Variants in ADGRA1 observed in about 807,000 individuals in gnomAD.
ADGRA1 encodes the protein adhesion G protein-coupled receptor A1, also known as G-protein coupled receptor 123.
ADGRA1 carries 12 observed loss-of-function variants against 21.3 expected under a neutral mutation model. The observed-to-expected ratio is 0.56, with a 90% CI of 0.36 to 0.91. The LOEUF is 0.91. ADGRA1 is among the 40% of genes least tolerant of loss of function. ADGRA1 has a pLI of 0.01. For synonymous variants in ADGRA1, 385 were observed against 368.8 expected, an observed-to-expected ratio of 1.04 and a Z score of -0.50; for missense variants, 790 against 805.6, an observed-to-expected ratio of 0.98 and a Z score of 0.23.
At chr10:133,088,683 C>T (rs1427438481) in intron 1 of ADGRA1, 25 bp from the exon 2 acceptor site, 1 of 1,221,612 alleles carries the variant, frequency 8.2e-7, no homozygotes, top group East Asian at 3.2e-5. Flanking sequence ...TCCGCCCGCC[C>T]CGCTGACCGC....
At chr10:133,101,945 GATAAATC>G (rs572689376) in intron 4 of ADGRA1, among the ~76,000 whole-genome samples, 73 of 152,378 alleles carry the variant, frequency 4.8e-4, no homozygotes, top group African/African-American at 1.7e-3. Context: ...CTCTGGATCT[GATAAATC>G]ATCATAATGG....
intron 2 of ADGRA1, chr10:133,093,361 C>T: frequency 2.2e-6 from 3 of 1,366,632 alleles, no homozygotes; most frequent in Non-Finnish European, 3.0e-6. Context: ...ACTTGATTTG[C>T]AGAACACACC....
At chr10:133,122,972 T>C (rs1185642133) in intron 5 of ADGRA1, among the ~76,000 whole-genome samples, 1 of 152,214 alleles carries the variant, frequency 6.6e-6, no homozygotes, top group Non-Finnish European at 1.5e-5. Context: ...TTAAGGCCCA[T>C]CCTGTAACCG....
Position 133,102,854 on chromosome 10 carries a change from A to C in ADGRA1, c.401+12A>C, listed in dbSNP as rs765509147. ...CAGCCCCTGCTCAGGTACTGAGTGCACATGGGCGCGAGGCCCCGCCACCTG... is the reference window on the plus strand; with the variant it reads ...CAGCCCCTGCTCAGGTACTGAGTGCCCATGGGCGCGAGGCCCCGCCACCTG... On this transcript the variant is annotated intron_variant, in intron 5 of 6. Coordinates refer to ENST00000392607, the MANE Select transcript of ADGRA1 (RefSeq NM_001083909.3). 1.3e-6 allele frequency: 2 copies of C among 1,598,760 alleles called. No homozygotes were observed. Among genetic ancestry groups the C allele is most frequent in the Non-Finnish European group, 1.7e-6 (2 of 1,168,330 alleles).
In ADGRA1 at chr10:133,102,438, G is replaced by T. The variant is rs1264572080; in HGVS notation, c.256-259G>T. 3 of 617,982 alleles carry T rather than the reference G, an allele frequency of 4.9e-6. No individual in the cohort carries two copies. The African/African-American group carries it at 5.4e-5, about 11-fold the overall frequency. The allele number at this position is 617,982 out of a possible 1,614,324, so 38.3% of individuals were successfully genotyped here. A position where few individuals can be genotyped will look rare whatever the true frequency, so the allele number is the denominator to read the frequency against. On this transcript the variant is annotated intron_variant, in intron 4 of 6. Coordinates refer to ENST00000392607, the MANE Select transcript of ADGRA1 (RefSeq NM_001083909.3). ...CATGCAGAGGGGCGTGAGTGCACAG[G>T]CCCATGGGTCCCCACAGACTCCCTG...
At chr10:133,098,876 C>A in intron 4 of ADGRA1, 113 bp downstream of exon 4, 2 of 1,369,484 alleles carry the variant, frequency 1.5e-6, no homozygotes, top group Non-Finnish European at 2.0e-6. Context: ...GGAAGAGGGT[C>A]GGACCCTGGC....
intron 5 of ADGRA1, among the ~76,000 whole-genome samples, chr10:133,110,656 GA>G (rs1170126518): frequency 6.6e-6 from 1 of 152,176 alleles, no homozygotes; most frequent in Non-Finnish European, 1.5e-5. Flanking sequence ...AATACTGGAA[GA>G]AAAAGAATAA....
intron 5 of ADGRA1, among the ~76,000 whole-genome samples, chr10:133,112,419 GCGGGCCA>G (rs1852056938): frequency 7.9e-6 from 1 of 125,848 alleles, no homozygotes; most frequent in African/African-American, 3.3e-5. Flanking sequence ...TTTGGGGTCT[GCGGGCCA>G]TGTCGGTTAT....
intron 5 of ADGRA1, among the ~76,000 whole-genome samples, chr10:133,109,665 C>T (rs1851952150): frequency 6.6e-6 from 1 of 152,238 alleles, no homozygotes; most frequent in Non-Finnish European, 1.5e-5. Context: ...CTGACCTCTC[C>T]TCCCCTCGAT....
chr10:133,112,418 T>A (rs1852056602), intron 5 of ADGRA1, among the ~76,000 whole-genome samples: 1 of 146,930 alleles, frequency 6.8e-6, no homozygotes, highest in Admixed American at 6.8e-5. Context: ...ATTTGGGGTC[T>A]GCGGGCCATG....
chr10:133,100,392 C>T (rs1231898883), intron 4 of ADGRA1, among the ~76,000 whole-genome samples: 1 of 152,268 alleles, frequency 6.6e-6, no homozygotes, highest in African/African-American at 2.4e-5. Flanking sequence ...AAGTACGCCC[C>T]ACACTGGGAT....
chr10:133,098,976 G>A (rs1173368271), intron 4 of ADGRA1, among the ~76,000 whole-genome samples: 2 of 152,208 alleles, frequency 1.3e-5, no homozygotes, highest in African/African-American at 2.4e-5. Flanking sequence ...CCTCCAGGCC[G>A]GCGCTAACCT....
chr10:133,100,179 T>TGGGCCC (rs1851765399), intron 4 of ADGRA1, among the ~76,000 whole-genome samples: 3 of 152,194 alleles, frequency 2.0e-5, no homozygotes, highest in Non-Finnish European at 1.5e-5. Flanking sequence ...GGCCTGGGCC[T>TGGGCCC]GGGCCTGGGC....
chr10:133,124,414 G>A (rs908037323), intron 5 of ADGRA1, among the ~76,000 whole-genome samples: 12 of 152,282 alleles, frequency 7.9e-5, no homozygotes, highest in Non-Finnish European at 1.6e-4. Context: ...ATTCAGATCC[G>A]CCCTCCCTTT....
At chr10:133,117,560 A>AGGGCT (rs952119302) in intron 5 of ADGRA1, among the ~76,000 whole-genome samples, 1 of 152,222 alleles carries the variant, frequency 6.6e-6, no homozygotes, top group Non-Finnish European at 1.5e-5. Context: ...GCACCTGCTC[A>AGGGCT]GGGCTGGTGC....
At chr10:133,113,188 CTGTAAGCCG>C in intron 5 of ADGRA1, among the ~76,000 whole-genome samples, 1 of 150,052 alleles carries the variant, frequency 6.7e-6, no homozygotes, top group African/African-American at 2.5e-5. Context: ...TATTTGAGGT[CTGTAAGCCG>C]CGTCGGTTAT....
chr10:133,097,562 G>A (rs1851708965), intron 3 of ADGRA1, among the ~76,000 whole-genome samples: 1 of 152,198 alleles, frequency 6.6e-6, no homozygotes, highest in Non-Finnish European at 1.5e-5. Context: ...CTGAGGCCAA[G>A]GTCGCCTCGG....
intron 5 of ADGRA1, among the ~76,000 whole-genome samples, chr10:133,108,904 C>T (rs564396144): frequency 1.4e-5 from 2 of 145,956 alleles, no homozygotes; most frequent in Admixed American, 6.8e-5. Context: ...CCACCCCTCC[C>T]CTCATGTCCT....
chr10:133,114,016 T>C (rs1591181827), intron 5 of ADGRA1, among the ~76,000 whole-genome samples: 1 of 152,160 alleles, frequency 6.6e-6, no homozygotes, highest in Non-Finnish European at 1.5e-5. Context: ...ACTTTGGCGG[T>C]CCCCTGACTC....
Sources: gnomAD v4.1 joint callset for allele counts (sites outside exome capture counted in the v4.1 genomes callset) on GRCh38, gnomAD v4.1.1 for gene constraint, MANE v1.5 for transcripts, NCBI Gene and HGNC (gene_info 2026-07-23, HGNC 2026-07-21) for gene names.